Variants in RAPGEF2 observed in about 807,000 individuals in gnomAD.
RAPGEF2 encodes Rap guanine nucleotide exchange factor 2, also known as PDZ domain containing guanine nucleotide exchange factor (GEF) 1.
RAPGEF2 carries 54 observed loss-of-function variants against 186.7 expected under a neutral mutation model. That is an observed-to-expected ratio of 0.29 (90% CI 0.23 to 0.36). The LOEUF is 0.36. RAPGEF2 is among the 10% of genes least tolerant of loss of function. The pLI is 1.00. For synonymous variants in RAPGEF2, 712 were observed against 705.9 expected (o/e 1.01, Z -0.14); for missense variants, 1,532 against 2,045.0 (o/e 0.75, Z 4.84).
intron 4 of RAPGEF2, among the ~76,000 whole-genome samples, chr4:159,220,809 T>A (rs1466128403): frequency 6.6e-6 from 1 of 152,234 alleles, no homozygotes; most frequent in Non-Finnish European, 1.5e-5. Context: ...AGCAGGCATT[T>A]AATAAATGTT....
chr4:159,104,068 C>T lies in RAPGEF2; in HGVS notation c.-95C>T. On this transcript the variant is annotated 5_prime_UTR_variant, in exon 1 of 30. Coordinates refer to ENST00000691494, the MANE Select transcript of RAPGEF2 (RefSeq NM_001394067.2). ...GGCTGATTAGTCGCGGGCGGGCGGGCGGGCGCAGCGCGCAGGGCGGAGGCA... is the reference window on the plus strand; with the variant it reads ...GGCTGATTAGTCGCGGGCGGGCGGGTGGGCGCAGCGCGCAGGGCGGAGGCA... The T allele has an allele frequency of 1.2e-5, 8 of 674,736 alleles. No individual in the cohort carries two copies. Among genetic ancestry groups the T allele is most frequent in the Non-Finnish European group, 1.5e-5 (8 of 518,304 alleles). The allele number at this position is 674,736 out of a possible 1,614,324, so 41.8% of individuals were successfully genotyped here.
intron 17 of RAPGEF2, among the ~76,000 whole-genome samples, chr4:159,333,105 G>T (rs906510414): frequency 1.8e-4 from 28 of 151,906 alleles, no homozygotes; most frequent in Admixed American, 1.7e-3. Flanking sequence ...TCAGTCTCCC[G>T]AGTAGCTGGG....
chr4:159,289,566 C>CT (rs1173489417), intron 7 of RAPGEF2, among the ~76,000 whole-genome samples: 1 of 152,128 alleles, frequency 6.6e-6, no homozygotes, highest in East Asian at 1.9e-4. Context: ...CTACTTTAAA[C>CT]TAGGTAGGGT....
chr4:159,301,542 C>A (rs896140256), intron 7 of RAPGEF2, among the ~76,000 whole-genome samples: 2 of 152,066 alleles, frequency 1.3e-5, no homozygotes, highest in African/African-American at 4.8e-5. Flanking sequence ...TCATGCCATT[C>A]TGCAAAGAAC....
At chr4:159,230,448 T>C (rs547057635) in intron 4 of RAPGEF2, among the ~76,000 whole-genome samples, 53 of 152,322 alleles carry the variant, frequency 3.5e-4, no homozygotes, top group Middle Eastern at 3.4e-3. Context: ...TTGAAAGATA[T>C]ATAATTCAAA....
chr4:159,211,850 G>T (rs945908548), intron 4 of RAPGEF2, among the ~76,000 whole-genome samples: 2 of 152,188 alleles, frequency 1.3e-5, no homozygotes, highest in Non-Finnish European at 2.9e-5. Flanking sequence ...TCTATTGCCT[G>T]CTTGTTTCTG....
At position 159,273,972 on chromosome 4, in the gene RAPGEF2, A is replaced by C. The variant is rs1579712149; in HGVS notation, c.543+30181A>C. Reference sequence around the variant, plus strand: ...ACGCCCAGCTAATTTTTGTATTTTTAGTACAGGTGGGGTTTCGCCATGTTG... The same window carrying C: ...ACGCCCAGCTAATTTTTGTATTTTTCGTACAGGTGGGGTTTCGCCATGTTG... On this transcript the variant is annotated intron_variant, in intron 7 of 29. Transcript: ENST00000691494. Among the ~76,000 whole-genome samples the C allele has an allele frequency of 3.9e-5, 6 of 151,912 alleles. No homozygotes were observed. The South Asian group carries it at 1.2e-3, about 32-fold the overall frequency.
intron 1 of RAPGEF2, among the ~76,000 whole-genome samples, chr4:159,162,715 A>G (rs1744850513): frequency 6.6e-6 from 1 of 152,146 alleles, no homozygotes; most frequent in Non-Finnish European, 1.5e-5. Flanking sequence ...TTTCAAATGG[A>G]ATTGATTCTC....
chr4:159,171,375 T>C (rs1282088315), intron 1 of RAPGEF2, among the ~76,000 whole-genome samples: 1 of 152,186 alleles, frequency 6.6e-6, no homozygotes, highest in Non-Finnish European at 1.5e-5. Flanking sequence ...TTAGATACTC[T>C]TATTATTCCT....
chr4:159,311,985 T>C (rs1048457941), intron 8 of RAPGEF2, among the ~76,000 whole-genome samples: 4 of 152,152 alleles, frequency 2.6e-5, no homozygotes, highest in African/African-American at 9.7e-5. Context: ...CACATAGAGA[T>C]AGCAAGCAAC....
At chr4:159,122,464 G>A (rs1289500931) in intron 1 of RAPGEF2, among the ~76,000 whole-genome samples, 1 of 151,562 alleles carries the variant, frequency 6.6e-6, no homozygotes, top group African/African-American at 2.4e-5. Context: ...GGGCGACAGA[G>A]CAAGACTTTG....
rs943319083 is a variant in RAPGEF2, at chr4:159,103,884, G to A, written c.-279G>A. 40 of 155,652 alleles carry A rather than the reference G, an allele frequency of 2.6e-4. No individual in the cohort carries two copies. Among genetic ancestry groups the A allele is most frequent in the Non-Finnish European group, 4.1e-4 (29 of 70,950 alleles). The allele number at this position is 155,652 out of a possible 1,614,324, so 9.6% of individuals were successfully genotyped here. ...GCGGCGAGGAAGAGGAGGAGGAGGA[G>A]GAAGGGGAGTTCCGCCTGCGGGCCG... On this transcript the variant is annotated 5_prime_UTR_variant, in exon 1 of 30. Transcript: ENST00000691494.
At chr4:159,183,381 T>A (rs999868225) in intron 1 of RAPGEF2, among the ~76,000 whole-genome samples, 15 of 152,240 alleles carry the variant, frequency 9.9e-5, no homozygotes, top group African/African-American at 3.4e-4. Flanking sequence ...GAAAATAATG[T>A]TGGACCCCTA....
intron 1 of RAPGEF2, among the ~76,000 whole-genome samples, chr4:159,157,239 C>T (rs1204685457): frequency 2.0e-5 from 3 of 152,024 alleles, no homozygotes; most frequent in Non-Finnish European, 4.4e-5. Context: ...GCAGCTTTGC[C>T]CCTTGAAAGG....
intron 4 of RAPGEF2, among the ~76,000 whole-genome samples, chr4:159,227,985 G>A (rs1188169815): frequency 6.6e-6 from 1 of 152,172 alleles, no homozygotes; most frequent in African/African-American, 2.4e-5. Flanking sequence ...TGAAGACTCA[G>A]AGGAGAGCAG....
chr4:159,104,551 A>AGT (rs371444415), intron 1 of RAPGEF2, among the ~76,000 whole-genome samples: 24,133 of 134,460 alleles, frequency 0.18, 2,424 homozygotes, highest in Admixed American at 0.24. Flanking sequence ...AGAGAGAGAG[A>AGT]GAGTGTGTGT....
At position 159,338,350 on chromosome 4, in the gene RAPGEF2, A is replaced by C; in HGVS notation, c.2175A>C (p.Val725=). The C allele has an allele frequency of 6.2e-7, 1 of 1,614,156 alleles. No homozygotes were observed. The change falls in exon 18 of 30, where the codon GTA becomes GTC. Residue 725 remains valine (V), a synonymous_variant. Transcript: ENST00000691494. Reference sequence around the variant, plus strand: ...GTCAGTCTCAAGATGACAGCATAGTAGGATTAAGGCAGACAAAGCACATCC... The same window carrying C: ...GTCAGTCTCAAGATGACAGCATAGTCGGATTAAGGCAGACAAAGCACATCC... ...GIGQSQDDSI[V]GLRQTKHIPT...
At chr4:159,194,349 A>T (rs1318925509) in intron 3 of RAPGEF2, among the ~76,000 whole-genome samples, 1 of 152,212 alleles carries the variant, frequency 6.6e-6, no homozygotes, top group Non-Finnish European at 1.5e-5. Context: ...CTTCAGGCAG[A>T]TCAGGTCCTG....
chr4:159,248,230 AT>A (rs771558544), intron 7 of RAPGEF2, among the ~76,000 whole-genome samples: 51 of 152,314 alleles, frequency 3.3e-4, no homozygotes, highest in Non-Finnish European at 5.9e-4. Context: ...CAAGCAGATT[AT>A]TCTTTAATCC....
Sources: allele counts gnomAD v4.1 joint callset (sites outside exome capture counted in the v4.1 genomes callset), GRCh38; gene constraint gnomAD v4.1.1; transcripts MANE v1.5; gene names NCBI Gene and HGNC (gene_info 2026-07-23, HGNC 2026-07-21).